Variants in NUDT21 observed in about 807,000 individuals in gnomAD.
NUDT21 encodes the protein nudix hydrolase 21.
NUDT21 carries 5 observed loss-of-function variants against 29.8 expected under a neutral mutation model. The observed-to-expected ratio is 0.17, with a 90% CI of 0.09 to 0.35. The LOEUF is 0.35. NUDT21 is among the 10% of genes least tolerant of loss of function. The pLI, the probability that NUDT21 is intolerant of heterozygous loss-of-function variation, is 1.00. For missense variants in NUDT21, 76 were observed against 276.0 expected (o/e 0.28, Z 5.13); for synonymous variants, 113 against 98.5 (o/e 1.15, Z -0.87).
chr16:56,436,774 G>A (rs1294368669), intron 4 of NUDT21, among the ~76,000 whole-genome samples: 2 of 152,120 alleles, frequency 1.3e-5, no homozygotes, highest in Non-Finnish European at 2.9e-5. Context: ...ACTGAGATAG[G>A]AAGATGATAT....
intron 3 of NUDT21, among the ~76,000 whole-genome samples, chr16:56,442,447 C>T (rs78180511): frequency 0.022 from 3,401 of 152,300 alleles, 61 homozygotes; most frequent in East Asian, 0.057. Flanking sequence ...TCCACCATCC[C>T]TTAGCTTCCA....
chr16:56,444,512 A>G (rs1962194503), intron 3 of NUDT21, among the ~76,000 whole-genome samples: 1 of 150,562 alleles, frequency 6.6e-6, no homozygotes, highest in Non-Finnish European at 1.5e-5. Flanking sequence ...TGAACCCAGG[A>G]GGCAGAGGTT....
chr16:56,435,917 G>A (rs1194257351), intron 4 of NUDT21, among the ~76,000 whole-genome samples: 4 of 146,334 alleles, frequency 2.7e-5, no homozygotes. Context: ...CTCCCCGTAT[G>A]CCAAGGTGCA....
rs1317835398 is a variant in NUDT21 at position 56,431,225 on chromosome 16, G to C, written c.*1487C>G. ...ATTACATGAGAAATATGCTAATGTA[G>C]GCTAGAGGGGTAGGACTGTTAGGGG... is the stretch of plus-strand genomic sequence containing the variant. On this transcript the variant is annotated 3_prime_UTR_variant, in exon 7 of 7. Coordinates refer to ENST00000300291, the MANE Select transcript of NUDT21 (RefSeq NM_007006.3). 1 of 152,196 alleles carries C rather than the reference G, an allele frequency of 6.6e-6. No individual in the cohort carries two copies. Among genetic ancestry groups the C allele is most frequent in the Non-Finnish European group, 1.5e-5 (1 of 68,044 alleles). 9.4% of individuals were successfully genotyped at this position (152,196 alleles called of 1,614,324 possible). A position where few individuals can be genotyped will look rare whatever the true frequency, so the allele number is the denominator to read the frequency against.
Position 56,446,672 on chromosome 16 carries a change from T to C in NUDT21, c.335A>G (p.Asn112Ser), listed in dbSNP as rs761403729. Residue 112 changes from asparagine (N) to serine (S), a missense_variant, in exon 3 of 7, where the codon AAC (asparagine) becomes AGC (serine). By Grantham distance (46) the Asn-to-Ser change is conservative. Transcript: ENST00000300291. ...TFFKLPGGEL[N>S]PGEDEVEGLK... ...TCCTTCAACTTCATCTTCTCCTGGG[T>C]TAAGTTCACCACCAGGTCTGTATAA... 3.1e-6 allele frequency: 5 copies of C among 1,605,568 alleles called. No homozygotes were observed. The South Asian group carries it at 5.5e-5, about 18-fold the overall frequency.
At chr16:56,446,254 C>T (rs1455906609) in intron 3 of NUDT21, among the ~76,000 whole-genome samples, 1 of 152,304 alleles carries the variant, frequency 6.6e-6, no homozygotes, top group Non-Finnish European at 1.5e-5. Context: ...TACCTGCATT[C>T]AAACCTCTGG....
chr16:56,439,419 A>G, intron 4 of NUDT21: 1 of 424,858 alleles, frequency 2.4e-6, no homozygotes. Flanking sequence ...CAGGTGATCC[A>G]CCCGCCTCGG....
intron 3 of NUDT21, among the ~76,000 whole-genome samples, chr16:56,442,225 A>G (rs1962167688): frequency 6.6e-6 from 1 of 152,230 alleles, no homozygotes; most frequent in Non-Finnish European, 1.5e-5. Flanking sequence ...TGTACTTGAT[A>G]GTCTCAACCC....
At chr16:56,432,780 A>AC in intron 6 of NUDT21, 47 bp from the exon 7 acceptor site, 1 of 1,335,936 alleles carries the variant, frequency 7.5e-7, no homozygotes, top group Middle Eastern at 1.8e-4. Flanking sequence ...AGTACATACT[A>AC]CTTTCCATAT....
chr16:56,434,097 C>G (rs1404177086), intron 6 of NUDT21, among the ~76,000 whole-genome samples: 2 of 152,174 alleles, frequency 1.3e-5, no homozygotes, highest in African/African-American at 2.4e-5. Context: ...TTGAGAATAT[C>G]AGAATTAGGG....
At chr16:56,449,503 AATT>A (rs1423167830) in intron 1 of NUDT21, among the ~76,000 whole-genome samples, 22 of 152,232 alleles carry the variant, frequency 1.4e-4, no homozygotes, top group Admixed American at 9.2e-4. Flanking sequence ...TTCACAACAC[AATT>A]ATTATTTCTG....
chr16:56,445,989 A>G (rs1012385323), intron 3 of NUDT21, among the ~76,000 whole-genome samples: 1 of 152,236 alleles, frequency 6.6e-6, no homozygotes, highest in East Asian at 1.9e-4. Context: ...CTTTTTGCAC[A>G]GAGAATATAT....
At chr16:56,450,734 C>A (rs924835729) in intron 1 of NUDT21, among the ~76,000 whole-genome samples, 8 of 152,126 alleles carry the variant, frequency 5.3e-5, no homozygotes, top group African/African-American at 1.9e-4. Flanking sequence ...ATACCATGTA[C>A]GTGATGCGAA....
intron 2 of NUDT21, among the ~76,000 whole-genome samples, chr16:56,447,337 T>C (rs1442966388): frequency 6.6e-6 from 1 of 152,210 alleles, no homozygotes; most frequent in Non-Finnish European, 1.5e-5. Flanking sequence ...ATTGGAGACT[T>C]TTCTTTTTGG....
intron 1 of NUDT21, 123 bp from the exon 2 acceptor site, chr16:56,448,112 G>T (rs1009948075): frequency 2.6e-6 from 2 of 764,054 alleles, no homozygotes; most frequent in Non-Finnish European, 4.2e-6. Flanking sequence ...CACAGGATTT[G>T]TACAGTTAAC....
Position 56,447,953 on chromosome 16 carries a change from C to A in NUDT21, c.153G>T (p.Glu51Asp). ...PLTNYTFGTK[E>D]PLYEKDSSVA... Reference sequence around the variant, plus strand: ...CAGAGCTGTCCTTCTCGTAGAGGGGCTCTTTTGTACCAAAAGTATAATTGG... The same window carrying A: ...CAGAGCTGTCCTTCTCGTAGAGGGGATCTTTTGTACCAAAAGTATAATTGG... Residue 51 changes from glutamate (E) to aspartate (D), a missense_variant, in exon 2 of 7, where the codon GAG (glutamate) becomes GAT (aspartate). This residue lies in a region of NUDT21 where 27 missense variants were observed against 149.5 expected (regional missense o/e 0.18). Coordinates refer to ENST00000300291, the MANE Select transcript of NUDT21 (RefSeq NM_007006.3). 1 of 1,614,022 alleles carries A rather than the reference C, an allele frequency of 6.2e-7. No individual in the cohort carries two copies.
Position 56,434,314 on chromosome 16 carries a change from T to C in NUDT21, c.662+17A>G, listed in dbSNP as rs1962070328. 5.9e-6 allele frequency: 9 copies of C among 1,524,836 alleles called. No individual in the cohort carries two copies. Among genetic ancestry groups the C allele is most frequent in the South Asian group, 5.6e-5 (5 of 89,002 alleles). The allele number at this position is 1,524,836 out of a possible 1,614,324, so 94.5% of individuals were successfully genotyped here. On this transcript the variant is annotated intron_variant, in intron 6 of 6. Coordinates refer to ENST00000300291, the MANE Select transcript of NUDT21 (RefSeq NM_007006.3). ...CAGTTAATATGGATGAACCAAAAAA[T>C]GTTCAACTTTCTGTACCTGCTCAAC...
chr16:56,440,825 ACCT>A (rs1458197752), intron 3 of NUDT21, among the ~76,000 whole-genome samples: 2 of 151,624 alleles, frequency 1.3e-5, no homozygotes, highest in Non-Finnish European at 2.9e-5. Flanking sequence ...TGCAACCTCC[ACCT>A]CCCAGGTTCA....
rs1009017963 is a variant in NUDT21 at position 56,451,291 on chromosome 16, C to G, written c.-89G>C. On this transcript the variant is annotated 5_prime_UTR_variant, in exon 1 of 7. It removes the in-frame stop codon of an upstream open reading frame in the 5' UTR. Coordinates refer to ENST00000300291, the MANE Select transcript of NUDT21 (RefSeq NM_007006.3). ...GGGAAGCGGTTATCTGCAATCCCCT[C>G]AGCGGCTACTGCCCGCCATTAACAG... is the stretch of plus-strand genomic sequence containing the variant. The G allele has an allele frequency of 3.0e-6, 3 of 1,009,810 alleles. No individual in the cohort carries two copies. The highest frequency in any genetic ancestry group is 2.2e-5 in the Admixed American group (1 of 44,718). 62.6% of individuals were successfully genotyped at this position (1,009,810 alleles called of 1,614,324 possible).
Sources: gnomAD v4.1 joint callset for allele counts (sites outside exome capture counted in the v4.1 genomes callset) on GRCh38, gnomAD v4.1.1 for gene constraint, gnomAD v4.1.1 regional missense constraint, MANE v1.5 for transcripts, NCBI Gene and HGNC (gene_info 2026-07-23, HGNC 2026-07-21) for gene names.